PPP1R17: variants seen among roughly 807,000 people sequenced by gnomAD.
The protein encoded by PPP1R17 is G-substrate.
PPP1R17 carries 12 observed loss-of-function variants against 15.9 expected under a neutral mutation model. That is an observed-to-expected ratio of 0.75 (90% CI 0.48 to 1.22). PPP1R17 has a LOEUF of 1.22. Among genes scored for constraint, PPP1R17 ranks in the 50% most tolerant of loss-of-function variants. The probability of loss-of-function intolerance (pLI) is 0.00; values close to 1 mark genes in which losing one functional copy is unlikely to be tolerated. For synonymous variants in PPP1R17, 63 were observed against 64.5 expected (o/e 0.98, Z 0.11); for missense variants, 211 against 187.3 (o/e 1.13, Z -0.74).
At chr7:31,707,006 G>A (rs969067176) in intron 4 of PPP1R17, among the ~76,000 whole-genome samples, 198 bp from the exon 5 acceptor site, 3 of 152,114 alleles carry the variant, frequency 2.0e-5, no homozygotes, top group Non-Finnish European at 4.4e-5. Context: ...AACCAGAATC[G>A]TGTCCTCATT....
At chr7:31,694,261 C>T (rs923273791) in intron 2 of PPP1R17, among the ~76,000 whole-genome samples, 1 of 152,044 alleles carries the variant, frequency 6.6e-6, no homozygotes, top group African/African-American at 2.4e-5. Context: ...AAGCTTTCCC[C>T]TAAGTTTAGT....
At chr7:31,696,683 T>C (rs1349962822) in intron 3 of PPP1R17, among the ~76,000 whole-genome samples, 1 of 152,206 alleles carries the variant, frequency 6.6e-6, no homozygotes, top group Non-Finnish European at 1.5e-5. Context: ...TTTCTTTGCC[T>C]GACTTCCCTC....
intron 2 of PPP1R17, among the ~76,000 whole-genome samples, chr7:31,694,647 C>T (rs1005260023): frequency 6.6e-6 from 1 of 152,082 alleles, no homozygotes; most frequent in African/African-American, 2.4e-5. Context: ...TCTGGAGCAG[C>T]AGGTAAACCA....
rs1035106865 is a variant in PPP1R17 at position 31,690,978 on chromosome 7, A to G, written c.-36-1428A>G. On this transcript the variant is annotated intron_variant, in intron 1 of 4. Transcript: ENST00000342032. Reference sequence around the variant, plus strand: ...ATTGGTTAAATAGGTGCATAAGACCATATCTGATGCTGCCTTGAGACCTCA... The same window carrying G: ...ATTGGTTAAATAGGTGCATAAGACCGTATCTGATGCTGCCTTGAGACCTCA... Among the ~76,000 whole-genome samples, 11 of 152,326 alleles carry G rather than the reference A, an allele frequency of 7.2e-5. 1 individual carries two copies. The highest frequency in any genetic ancestry group is 5.9e-4 in the Admixed American group (9 of 15,302).
intron 4 of PPP1R17, among the ~76,000 whole-genome samples, chr7:31,701,307 G>A (rs528878459): frequency 4.6e-5 from 7 of 152,310 alleles, no homozygotes; most frequent in South Asian, 2.1e-4. Flanking sequence ...AGTGGAGGAC[G>A]TAACTGCAAA....
intron 1 of PPP1R17, among the ~76,000 whole-genome samples, chr7:31,690,490 G>A (rs1198595550): frequency 6.6e-6 from 1 of 152,214 alleles, no homozygotes; most frequent in East Asian, 1.9e-4. Flanking sequence ...GACTTAACTT[G>A]TGTGGAGAGG....
intron 4 of PPP1R17, among the ~76,000 whole-genome samples, chr7:31,701,782 C>T (rs920541653): frequency 6.6e-6 from 1 of 152,236 alleles, no homozygotes; most frequent in Non-Finnish European, 1.5e-5. Flanking sequence ...TCAGTGAAGA[C>T]TCAGATAATC....
chr7:31,689,093 T>C (rs1792226965), intron 1 of PPP1R17, among the ~76,000 whole-genome samples: 1 of 152,196 alleles, frequency 6.6e-6, no homozygotes, highest in Admixed American at 6.5e-5. Context: ...TGTTATATAA[T>C]TTAAACAGTC....
chr7:31,690,688 C>A (rs1213176438), intron 1 of PPP1R17, among the ~76,000 whole-genome samples: 1 of 152,124 alleles, frequency 6.6e-6, no homozygotes, highest in Non-Finnish European at 1.5e-5. Context: ...GCCATAGGAT[C>A]CAAGTTAAAA....
intron 1 of PPP1R17, among the ~76,000 whole-genome samples, chr7:31,688,322 A>G (rs1430719058): frequency 2.0e-5 from 3 of 152,224 alleles, no homozygotes; most frequent in African/African-American, 7.2e-5. Context: ...GTTGGCTTCT[A>G]CCTTATATTG....
At chr7:31,688,089 A>G (rs1271768582) in intron 1 of PPP1R17, among the ~76,000 whole-genome samples, 1 of 152,190 alleles carries the variant, frequency 6.6e-6, no homozygotes, top group East Asian at 1.9e-4. Context: ...ATAATCACAA[A>G]TGGAGGACTG....
chr7:31,704,512 A>G (rs1792986468), intron 4 of PPP1R17, among the ~76,000 whole-genome samples: 1 of 152,238 alleles, frequency 6.6e-6, no homozygotes, highest in African/African-American at 2.4e-5. Flanking sequence ...CTAAATCCCT[A>G]CTGCATTCTA....
At chr7:31,700,785 A>G (rs1220867415) in intron 4 of PPP1R17, among the ~76,000 whole-genome samples, 1 of 152,168 alleles carries the variant, frequency 6.6e-6, no homozygotes, top group African/African-American at 2.4e-5. Flanking sequence ...CTTATGAATT[A>G]TGTTAAATTG....
At chr7:31,706,431 T>C (rs1359615552) in intron 4 of PPP1R17, among the ~76,000 whole-genome samples, 1 of 152,194 alleles carries the variant, frequency 6.6e-6, no homozygotes, top group Non-Finnish European at 1.5e-5. Context: ...AAAGGATATT[T>C]TAATCCCCAA....
chr7:31,704,844 T>C (rs1792999958), intron 4 of PPP1R17, among the ~76,000 whole-genome samples: 1 of 152,140 alleles, frequency 6.6e-6, no homozygotes, highest in Non-Finnish European at 1.5e-5. Context: ...GCACCTCTGC[T>C]TCCCCTGAAA....
At chr7:31,692,703 T>G (rs1434954445) in intron 2 of PPP1R17, among the ~76,000 whole-genome samples, 180 bp downstream of exon 2, 2 of 152,096 alleles carry the variant, frequency 1.3e-5, no homozygotes. Context: ...GGGTCTGCCA[T>G]GTAAATATTA....
In PPP1R17 at chr7:31,692,510, T is replaced by C. The variant is rs1792399917; in HGVS notation, c.69T>C (p.Arg23=). The part of the protein sequence containing the change: ...SEDRLDKLDP[R]CSHLDDLSDQ... The stretch of plus-strand genomic sequence containing the variant: ...ACAGACTGGACAAGCTAGACCCTCG[T>C]TGCAGCCACTTAGGTAAACAAATGA... Residue 23 remains arginine (R), a synonymous_variant, in exon 2 of 5, where the codon CGT becomes CGC. Transcript: ENST00000342032. 2.5e-6 allele frequency: 4 copies of C among 1,603,586 alleles called. No homozygotes were observed. The highest frequency in any genetic ancestry group is 2.6e-6 in the Non-Finnish European group (3 of 1,170,478).
intron 4 of PPP1R17, among the ~76,000 whole-genome samples, chr7:31,698,172 T>C (rs759475475): frequency 6.6e-6 from 1 of 152,190 alleles, no homozygotes; most frequent in Non-Finnish European, 1.5e-5. Flanking sequence ...GCTGTTGTTA[T>C]AAAACTATAT....
chr7:31,706,550 T>C (rs1390530919), intron 4 of PPP1R17, among the ~76,000 whole-genome samples: 1 of 152,186 alleles, frequency 6.6e-6, no homozygotes, highest in Non-Finnish European at 1.5e-5. Context: ...CTCTGAACCA[T>C]GTGAACGTCA....
Sources: gnomAD v4.1 joint callset for allele counts (sites outside exome capture counted in the v4.1 genomes callset) on GRCh38, gnomAD v4.1.1 for gene constraint, MANE v1.5 for transcripts, NCBI Gene and HGNC (gene_info 2026-07-23, HGNC 2026-07-21) for gene names.